NTRK3: variants seen among roughly 807,000 people sequenced by gnomAD.
NTRK3 encodes the protein NT-3 growth factor receptor.
NTRK3 carries 24 observed loss-of-function variants against 91.7 expected under a neutral mutation model. The ratio of observed to expected loss-of-function variants is 0.26; its 90% CI spans 0.19 to 0.37. NTRK3 has a LOEUF of 0.37. Ranked by LOEUF, NTRK3 falls within the 10% of genes least tolerant of loss-of-function variation. NTRK3 has a pLI of 1.00. For synonymous variants in NTRK3, 483 were observed against 404.0 expected, an observed-to-expected ratio of 1.20 and a Z score of -2.34; for missense variants, 880 against 1,068.9, an observed-to-expected ratio of 0.82 and a Z score of 2.46.
chr15:87,978,930 C>CATTAAAAAAAAA, intron 14 of NTRK3: 1 of 326,344 alleles, frequency 3.1e-6, no homozygotes, highest in Non-Finnish European at 5.7e-6. Context: ...CCAGGGAGAC[C>CATTAAAAAAAAA]CCACGCTTCC....
At chr15:87,932,928 G>A (rs2068934179) in intron 16 of NTRK3, 84 bp downstream of exon 16, 3 of 1,320,184 alleles carry the variant, frequency 2.3e-6, no homozygotes, top group Admixed American at 3.6e-5. Flanking sequence ...TTTAGAGGGG[G>A]TAGTATAATT....
rs1388860933 is a variant in NTRK3 at position 88,240,330 on chromosome 15, C to T, written c.248+15576G>A. On this transcript the variant is annotated intron_variant, in intron 3 of 18. Coordinates refer to ENST00000394480, the Ensembl canonical transcript of NTRK3. This position sits in a 1 kb window ranked among gnomAD's most constrained non-coding sequence, Gnocchi z 4.9. ...CAACAATGCCCGATCCCGACACACC[C>T]GATAAACTGTGGCAGTGATGGGACA... 3.3e-5 allele frequency among the ~76,000 whole-genome samples: 5 copies of T among 152,128 alleles called. No homozygotes were observed. Among genetic ancestry groups the T allele is most frequent in the African/African-American group, 4.8e-5 (2 of 41,406 alleles).
intron 5 of NTRK3, among the ~76,000 whole-genome samples, chr15:88,164,783 T>C (rs953957751): frequency 2.0e-5 from 3 of 152,212 alleles, no homozygotes; most frequent in African/African-American, 7.2e-5. Flanking sequence ...GCCTTATGAT[T>C]CAGGGCTTTA....
At chr15:88,195,306 C>T (rs1031445208) in intron 3 of NTRK3, among the ~76,000 whole-genome samples, 12 of 152,230 alleles carry the variant, frequency 7.9e-5, no homozygotes, top group African/African-American at 2.7e-4. Flanking sequence ...GTGTCTCTCT[C>T]CTAATGCATT....
chr15:88,243,501 C>A lies in NTRK3; in HGVS notation c.248+12405G>T, dbSNP rs1457429994. Among the ~76,000 whole-genome samples the A allele has an allele frequency of 6.6e-6, 1 of 151,354 alleles. No individual in the cohort carries two copies. The highest frequency in any genetic ancestry group is 2.4e-5 in the African/African-American group (1 of 41,004). On this transcript the variant is annotated intron_variant, in intron 3 of 18. Transcript: ENST00000394480. This position sits in a 1 kb window ranked among gnomAD's most constrained non-coding sequence, Gnocchi z 4.8. ...CCCAAAGCTTAGCAGTGACCCCTAC[C>A]CCTGCTTCTCACTTGATCCCATCCC...
At chr15:87,930,351 T>A (rs1475753768) in intron 16 of NTRK3, among the ~76,000 whole-genome samples, 2 of 152,194 alleles carry the variant, frequency 1.3e-5, no homozygotes, top group Non-Finnish European at 2.9e-5. Context: ...AGGGCCCTTA[T>A]TTATGAAGTT....
chr15:88,120,461 G>T (rs899769172), intron 13 of NTRK3, among the ~76,000 whole-genome samples: 2 of 152,210 alleles, frequency 1.3e-5, no homozygotes, highest in Non-Finnish European at 2.9e-5. Context: ...AGGAAGAAAG[G>T]CAAGTGGTTG....
intron 5 of NTRK3, among the ~76,000 whole-genome samples, chr15:88,172,198 C>A (rs1296607305): frequency 6.6e-6 from 1 of 152,174 alleles, no homozygotes; most frequent in African/African-American, 2.4e-5. Context: ...AGAAAAGAGA[C>A]TTTCAAAGAC....
In NTRK3 at chr15:88,118,750, A is replaced by G. The variant is rs542163015; in HGVS notation, c.1396+7521T>C. Among the ~76,000 whole-genome samples the G allele has an allele frequency of 1.5e-4, 23 of 152,350 alleles. No homozygotes were observed. In the South Asian group the frequency reaches 4.1e-3, roughly 27 times the overall value. On this transcript the variant is annotated intron_variant, in intron 13 of 18. Coordinates refer to ENST00000394480, the Ensembl canonical transcript of NTRK3. ...TGACATCCACAGTAGGGCATAAGGC[A>G]TGTGATCTCACCTGTCACATGAGTA... is the stretch of plus-strand genomic sequence containing the variant.
rs1009747639 is a variant in NTRK3, at chr15:88,231,990, A to G, written c.248+23916T>C. 3.9e-5 allele frequency among the ~76,000 whole-genome samples: 6 copies of G among 152,328 alleles called. No individual in the cohort carries two copies. In the East Asian group the frequency reaches 1.2e-3, roughly 29 times the overall value. On this transcript the variant is annotated intron_variant, in intron 3 of 18. Transcript: ENST00000394480. ...TAGATTTTCAGTGACTCCAGTCACT[A>G]ACCGGATAAGGTACAGATGCCTCAG...
chr15:87,960,824 C>T (rs948865029), intron 14 of NTRK3, among the ~76,000 whole-genome samples: 2 of 152,098 alleles, frequency 1.3e-5, no homozygotes, highest in Admixed American at 6.5e-5. Flanking sequence ...ACCCGTCCTC[C>T]CCTAGAAATT....
chr15:87,990,866 C>T (rs527954167), intron 14 of NTRK3, among the ~76,000 whole-genome samples: 6 of 152,180 alleles, frequency 3.9e-5, no homozygotes, highest in South Asian at 2.1e-4. Context: ...TTTACCATAC[C>T]ATTTGTTTTC....
chr15:87,882,876 C>G (rs1596073043), intron 17 of NTRK3, among the ~76,000 whole-genome samples: 1 of 151,772 alleles, frequency 6.6e-6, no homozygotes, highest in East Asian at 1.9e-4. Flanking sequence ...GACTAAAAAG[C>G]ACAAAATGAA....
chr15:88,213,671 G>C (rs757330867), intron 3 of NTRK3, among the ~76,000 whole-genome samples: 1 of 152,116 alleles, frequency 6.6e-6, no homozygotes, highest in Non-Finnish European at 1.5e-5. Context: ...AACTTATTAC[G>C]GCCCTCACAC....
chr15:88,149,919 G>A (rs917906258), intron 5 of NTRK3, among the ~76,000 whole-genome samples: 19 of 152,206 alleles, frequency 1.2e-4, no homozygotes, highest in Admixed American at 1.2e-3. Context: ...TTTACTCTAT[G>A]CACAACAGCA....
At chr15:88,039,568 G>A (rs758952889) in intron 13 of NTRK3, among the ~76,000 whole-genome samples, 1 of 152,128 alleles carries the variant, frequency 6.6e-6, no homozygotes, top group Non-Finnish European at 1.5e-5. Flanking sequence ...GAAAAATGAG[G>A]GTGTAGAGCA....
At chr15:87,889,052 T>G (rs2065708912) in intron 17 of NTRK3, among the ~76,000 whole-genome samples, 1 of 152,262 alleles carries the variant, frequency 6.6e-6, no homozygotes, top group South Asian at 2.1e-4. Context: ...CTGTTTCTCC[T>G]TAGCATCCTC....
intron 17 of NTRK3, among the ~76,000 whole-genome samples, chr15:87,887,490 G>T (rs1388109421): frequency 6.6e-6 from 1 of 152,132 alleles, no homozygotes; most frequent in African/African-American, 2.4e-5. Context: ...ATTGAGCATC[G>T]TTAAGTGCAA....
At chr15:88,078,883 G>A (rs956338473) in intron 13 of NTRK3, among the ~76,000 whole-genome samples, 1 of 152,228 alleles carries the variant, frequency 6.6e-6, no homozygotes, top group East Asian at 1.9e-4. Flanking sequence ...GAGCACGGGG[G>A]AAAGTGGCAG....
Sources: allele counts gnomAD v4.1 joint callset (sites outside exome capture counted in the v4.1 genomes callset), GRCh38; gene constraint gnomAD v4.1.1; non-coding constraint Gnocchi (gnomAD v3.1); transcripts MANE v1.5; gene names NCBI Gene and HGNC (gene_info 2026-07-23, HGNC 2026-07-21).